PTPRD: variants seen among roughly 807,000 people sequenced by gnomAD.
PTPRD encodes receptor-type tyrosine-protein phosphatase delta.
Under a neutral mutation model 214.5 loss-of-function variants are expected in PTPRD, and 34 were observed. The ratio of observed to expected loss-of-function variants is 0.16; its 90% CI spans 0.12 to 0.21. The LOEUF is 0.21. PTPRD is among the 10% of genes least tolerant of loss of function. The pLI is 1.00. For missense variants in PTPRD, 2,545 were observed against 2,398.7 expected, an observed-to-expected ratio of 1.06 and a Z score of -1.27; for synonymous variants, 1,128 against 845.7, an observed-to-expected ratio of 1.33 and a Z score of -5.79.
chr9:10,018,111 T>A (rs1377545013), intron 4 of PTPRD, among the ~76,000 whole-genome samples: 1 of 151,544 alleles, frequency 6.6e-6, no homozygotes, highest in Non-Finnish European at 1.5e-5. Flanking sequence ...TGAAATCCCC[T>A]CTCATACACA....
rs550213779 is a variant in PTPRD at position 9,228,131 on chromosome 9, T to C, written c.-202-44768A>G. Among the ~76,000 whole-genome samples, 7 of 152,200 alleles carry C rather than the reference T, an allele frequency of 4.6e-5. No homozygotes were observed. The East Asian group carries it at 5.8e-4, about 13-fold the overall frequency. On this transcript the variant is annotated intron_variant, in intron 9 of 45. Transcript: ENST00000381196. ...ATATAGATGAATTACATTTTACATA[T>C]ATATGCCTGTATTTCTAAGGTATCA...
intron 11 of PTPRD, among the ~76,000 whole-genome samples, chr9:8,759,611 ATTTCT>A (rs749177106): frequency 2.8e-3 from 309 of 110,466 alleles, no homozygotes; most frequent in Middle Eastern, 9.8e-3. Context: ...TTCCTGTTAC[ATTTCT>A]TTTTTTTTTT....
At chr9:9,787,446 C>A (rs1212859454) in intron 5 of PTPRD, among the ~76,000 whole-genome samples, 1 of 149,146 alleles carries the variant, frequency 6.7e-6, no homozygotes, top group Admixed American at 6.7e-5. Flanking sequence ...AGGCCAAATC[C>A]TTTACAGTCC....
intron 10 of PTPRD, among the ~76,000 whole-genome samples, chr9:9,040,865 G>C (rs2099637457): frequency 6.6e-6 from 1 of 152,086 alleles, no homozygotes; most frequent in African/African-American, 2.4e-5. Context: ...CCTTTGAAAA[G>C]CTTTTGTTTA....
At chr9:9,339,990 G>A (rs1326955338) in intron 9 of PTPRD, among the ~76,000 whole-genome samples, 2 of 152,086 alleles carry the variant, frequency 1.3e-5, no homozygotes, top group Non-Finnish European at 2.9e-5. Flanking sequence ...AATTGGGTAG[G>A]CTGTATGTAA....
At chr9:10,089,133 G>T (rs1438021396) in intron 3 of PTPRD, among the ~76,000 whole-genome samples, 5 of 151,250 alleles carry the variant, frequency 3.3e-5, no homozygotes, top group African/African-American at 1.2e-4. Flanking sequence ...CTTAAGCCTA[G>T]GAGTTTGAGG....
chr9:10,168,838 TAC>T (rs1162538274), intron 3 of PTPRD, among the ~76,000 whole-genome samples: 27 of 152,258 alleles, frequency 1.8e-4, no homozygotes, highest in Non-Finnish European at 2.4e-4. Context: ...TACATATATA[TAC>T]ACACACACGG....
intron 8 of PTPRD, among the ~76,000 whole-genome samples, chr9:9,446,529 C>T (rs954743907): frequency 6.6e-6 from 1 of 152,158 alleles, no homozygotes; most frequent in Non-Finnish European, 1.5e-5. Context: ...ACAACTGGAA[C>T]TCTATTTCTT....
intron 9 of PTPRD, among the ~76,000 whole-genome samples, chr9:9,207,496 T>C (rs986427777): frequency 6.6e-6 from 1 of 152,022 alleles, no homozygotes; most frequent in Non-Finnish European, 1.5e-5. Flanking sequence ...AAATATAAAC[T>C]AAAGCTATTA....
intron 2 of PTPRD, among the ~76,000 whole-genome samples, chr9:10,405,257 G>A (rs1215095783): frequency 6.6e-6 from 1 of 151,614 alleles, no homozygotes; most frequent in Non-Finnish European, 1.5e-5. Flanking sequence ...TAAAGCCTTC[G>A]AAAGCTACCA....
At chr9:8,389,668 C>T (rs938884042) in intron 36 of PTPRD, among the ~76,000 whole-genome samples, 136 of 152,194 alleles carry the variant, frequency 8.9e-4, no homozygotes, top group African/African-American at 3.1e-3. Context: ...ATGCCTTTTC[C>T]TTCACTGGTT....
intron 9 of PTPRD, among the ~76,000 whole-genome samples, chr9:9,225,021 C>T (rs139254602): frequency 5.9e-5 from 9 of 151,932 alleles, no homozygotes; most frequent in South Asian, 2.1e-4. Context: ...CATTTATACA[C>T]GTATACTGGC....
chr9:8,691,982 C>T (rs1597146665), intron 12 of PTPRD, among the ~76,000 whole-genome samples: 1 of 152,106 alleles, frequency 6.6e-6, no homozygotes, highest in East Asian at 1.9e-4. Flanking sequence ...TCACTGGGTT[C>T]AGAACTGAGG....
intron 2 of PTPRD, among the ~76,000 whole-genome samples, chr9:10,451,546 C>T (rs1472741612): frequency 2.6e-5 from 4 of 151,536 alleles, no homozygotes; most frequent in Non-Finnish European, 4.4e-5. Context: ...TGTTCATTAT[C>T]TGTAATCGGA....
chr9:9,481,647 G>A (rs912324672), intron 8 of PTPRD, among the ~76,000 whole-genome samples: 1 of 151,908 alleles, frequency 6.6e-6, no homozygotes, highest in Non-Finnish European at 1.5e-5. Flanking sequence ...ATACTTGGTA[G>A]TATTTTTTTT....
At position 8,634,316 on chromosome 9, in the gene PTPRD, C is replaced by G. The variant is rs1430230556; in HGVS notation, c.211-858G>C. Among the ~76,000 whole-genome samples, 3 of 151,704 alleles carry G rather than the reference C, an allele frequency of 2.0e-5. No individual in the cohort carries two copies. In the East Asian group the frequency reaches 5.8e-4, roughly 29 times the overall value. On this transcript the variant is annotated intron_variant, in intron 13 of 45. Coordinates refer to ENST00000381196, the MANE Select transcript of PTPRD (RefSeq NM_002839.4). ...GTCCTCTGTCTTTTCTGTAACTATG[C>G]TGCATTCCTTCAGCTGTTCACTGAG...
intron 3 of PTPRD, among the ~76,000 whole-genome samples, chr9:10,297,937 C>A (rs531547459): frequency 1.7e-4 from 26 of 152,088 alleles, no homozygotes; most frequent in Non-Finnish European, 3.8e-4. Context: ...TGGCTATTTC[C>A]TATGGCATTT....
chr9:9,061,220 G>A (rs2099706732), intron 10 of PTPRD, among the ~76,000 whole-genome samples: 1 of 152,112 alleles, frequency 6.6e-6, no homozygotes, highest in Admixed American at 6.6e-5. Context: ...TTTGTTTTGT[G>A]TGTTTTTCTA....
At chr9:8,860,564 G>A (rs2098083601) in intron 11 of PTPRD, 1 of 152,178 alleles carries the variant, frequency 6.6e-6, no homozygotes, top group Admixed American at 6.5e-5. Context: ...ACAGCAAATA[G>A]AGAAGCCAAA....
Sources: allele counts gnomAD v4.1 joint callset (sites outside exome capture counted in the v4.1 genomes callset), GRCh38; gene constraint gnomAD v4.1.1; transcripts MANE v1.5; gene names NCBI Gene and HGNC (gene_info 2026-07-23, HGNC 2026-07-21).